The following PEX5 variants were observed in gnomAD, a reference collection of about 807,000 sequenced individuals.
PEX5 encodes the protein PTS1 receptor.
Under a neutral mutation model 82.9 loss-of-function variants are expected in PEX5, and 52 were observed. The observed-to-expected ratio is 0.63, with a 90% CI of 0.50 to 0.79. PEX5 has a LOEUF of 0.79. Ranked by LOEUF, PEX5 falls within the 30% of genes least tolerant of loss-of-function variation. The probability of loss-of-function intolerance (pLI) is 0.00; values close to 1 mark genes in which losing one functional copy is unlikely to be tolerated. For missense variants in PEX5, 719 were observed against 815.2 expected (o/e 0.88, Z 1.44); for synonymous variants, 300 against 318.8 (o/e 0.94, Z 0.63).
At chr12:7,203,707 G>A (rs1944429348) in intron 10 of PEX5, among the ~76,000 whole-genome samples, 156 bp downstream of exon 10, 1 of 152,190 alleles carries the variant, frequency 6.6e-6, no homozygotes, top group Non-Finnish European at 1.5e-5. Flanking sequence ...CCTCTTCAGT[G>A]ATTGAGTATA....
At chr12:7,212,632 G>A (rs1335331105), downstream of PEX5, 1 of 152,034 alleles carries the variant, frequency 6.6e-6, no homozygotes, top group Non-Finnish European at 1.5e-5. Flanking sequence ...AAAAATGGTT[G>A]GTCAATTATT....
intron 2 of PEX5, 54 bp from the exon 3 acceptor site, chr12:7,190,834 A>T: frequency 6.4e-7 from 1 of 1,559,236 alleles, no homozygotes. Flanking sequence ...GGCTTCATCA[A>T]CCCCTGATTT....
chr12:7,197,292 TATATGTCATATATAATGTAATC>T, intron 5 of PEX5, among the ~76,000 whole-genome samples: 1 of 134,588 alleles, frequency 7.4e-6, no homozygotes, highest in Non-Finnish European at 1.5e-5. Flanking sequence ...GTAATAATTA[TATATGTCATATATAATGTAATC>T]ATATGTCATA....
At chr12:7,202,478 A>G in intron 8 of PEX5, 127 bp downstream of exon 8, 1 of 1,412,852 alleles carries the variant, frequency 7.1e-7, no homozygotes, top group East Asian at 2.3e-5. Flanking sequence ...CCAGGTCCCA[A>G]GTGGGTGGGA....
intron 12 of PEX5, 66 bp from the exon 13 acceptor site, chr12:7,208,391 A>G (rs745887424): frequency 1.7e-5 from 20 of 1,195,980 alleles, no homozygotes; most frequent in Non-Finnish European, 2.0e-5. Context: ...CTTGGATCCC[A>G]GGGTGCTCAC....
At chr12:7,207,863 C>T in intron 11 of PEX5, 61 bp downstream of exon 11, 2 of 1,594,080 alleles carry the variant, frequency 1.3e-6, no homozygotes, top group Non-Finnish European at 1.7e-6. Context: ...TGAGAAAGGC[C>T]CCAAGGAGAG....
At chr12:7,216,891 A>T (rs1945795090) in intron 17 of PEX5, among the ~76,000 whole-genome samples, 2 of 152,208 alleles carry the variant, frequency 1.3e-5, no homozygotes, top group South Asian at 4.1e-4. Context: ...AAAGGAGATA[A>T]AGTGTTTGTG....
rs747725502 is a variant in PEX5, at chr12:7,190,405, G to A, written c.28G>A (p.Glu10Lys). MAMRELVEA[E>K]CGGANPLMKL... ...GGCAATGCGGGAGCTGGTGGAGGCC[G>A]AATGCGGGGGTGCCAACCCGCTCAT... The change falls in exon 2 of 16, where the codon GAA becomes AAA. Residue 10 changes from glutamate to lysine, a missense_variant. Glu to Lys is a moderately conservative substitution (Grantham distance 56). Coordinates refer to ENST00000675855, the MANE Select transcript of PEX5 (RefSeq NM_001351132.2). 48 of 1,614,192 alleles carry A rather than the reference G, an allele frequency of 3.0e-5. No individual in the cohort carries two copies. The highest frequency in any genetic ancestry group is 4.1e-5 in the Non-Finnish European group (48 of 1,180,022).
rs1944187889 is a variant in PEX5 at position 7,202,314 on chromosome 12, A to C, written c.716A>C (p.Gln239Pro). Residue 239 changes from glutamine to proline, a missense_variant, in exon 8 of 16, where the codon CAG (glutamine) becomes CCG (proline). By Grantham distance (76) the Gln-to-Pro change is moderately conservative (BLOSUM62 -1). Coordinates refer to ENST00000675855, the MANE Select transcript of PEX5 (RefSeq NM_001351132.2). Reference sequence around the variant, plus strand: ...TCCGGTGCAGGGTCGGGCCGAGCTCAGGCAGAACAGTGGGCAGCAGAGTTT... The same window carrying C: ...TCCGGTGCAGGGTCGGGCCGAGCTCCGGCAGAACAGTGGGCAGCAGAGTTT... ...LESGAGSGRA[Q>P]AEQWAAEFIQ... 1 of 1,614,136 alleles carries C rather than the reference A, an allele frequency of 6.2e-7. No individual in the cohort carries two copies.
At chr12:7,208,422 G>A (rs1009096679) in intron 12 of PEX5, 35 bp from the exon 13 acceptor site, 1 of 1,508,372 alleles carries the variant, frequency 6.6e-7, no homozygotes, top group Admixed American at 1.7e-5. Context: ...GTCAGTCATT[G>A]CAGATATCAA....
chr12:7,212,498 CAA>C (rs5796272), downstream of PEX5, among the ~76,000 whole-genome samples: 1 of 130,888 alleles, frequency 7.6e-6, no homozygotes, highest in Non-Finnish European at 1.6e-5. Flanking sequence ...ACCCAAAAAA[CAA>C]AAAAAACAGG....
At position 7,210,677 on chromosome 12, in the gene PEX5, C is replaced by T. The variant is rs1410367051; in HGVS notation, c.*454C>T. 6 of 283,742 alleles carry T rather than the reference C, an allele frequency of 2.1e-5. No homozygotes were observed. Among genetic ancestry groups the T allele is most frequent in the Non-Finnish European group, 4.1e-5 (6 of 145,280 alleles). 17.6% of individuals were successfully genotyped at this position (283,742 alleles called of 1,614,324 possible). Reference sequence around the variant, plus strand: ...TCTGCTGTGCGCCTCTAATGTCTGTCTGGATGGGATGTGTTAGGAGTTGGC... The same window carrying T: ...TCTGCTGTGCGCCTCTAATGTCTGTTTGGATGGGATGTGTTAGGAGTTGGC... On this transcript the variant is annotated 3_prime_UTR_variant, in exon 16 of 16. Transcript: ENST00000675855.
chr12:7,202,194 C>T, intron 7 of PEX5, 47 bp from the exon 8 acceptor site: 1 of 1,613,214 alleles, frequency 6.2e-7, no homozygotes, highest in Non-Finnish European at 8.5e-7. Context: ...AGAGTGCACA[C>T]CTGGAAGTCC....
chr12:7,206,071 T>C (rs1001208483), intron 10 of PEX5, among the ~76,000 whole-genome samples: 3 of 152,220 alleles, frequency 2.0e-5, no homozygotes, highest in Admixed American at 1.3e-4. Context: ...CTGTTTTCTG[T>C]AGAGTGGCTT....
intron 6 of PEX5, among the ~76,000 whole-genome samples, chr12:7,201,397 G>A (rs1944010953): frequency 6.6e-6 from 1 of 151,908 alleles, no homozygotes. Flanking sequence ...TAAAATATAT[G>A]TATATAGGTA....
chr12:7,216,940 ATTAC>A (rs1003433280), intron 17 of PEX5, among the ~76,000 whole-genome samples: 19 of 152,206 alleles, frequency 1.2e-4, no homozygotes, highest in African/African-American at 4.1e-4. Flanking sequence ...TTAATAAATT[ATTAC>A]TTTATTCACA....
intron 1 of PEX5, chr12:7,190,096 C>T (rs1250166179): frequency 2.0e-6 from 3 of 1,491,280 alleles, no homozygotes; most frequent in South Asian, 2.6e-5. Context: ...GAGGCAGCTG[C>T]TGGCCCCCAG....
chr12:7,191,731 G>T, intron 5 of PEX5, 31 bp downstream of exon 5: 1 of 1,602,654 alleles, frequency 6.2e-7, no homozygotes, highest in South Asian at 1.1e-5. Context: ...ATCTATATTG[G>T]CTTCTATGGG....
Position 7,191,210 on chromosome 12 carries a change from A to C in PEX5, c.184-16A>C. On this transcript the variant is annotated splice_polypyrimidine_tract_variant and intron_variant, in intron 3 of 15. Coordinates refer to ENST00000675855, the MANE Select transcript of PEX5 (RefSeq NM_001351132.2). ...CCCAAGCCTATGGGTTCATTTCATC[A>C]TTTCCCTTCTGGCAGTTGGTGGCTG... The C allele has an allele frequency of 1.2e-6, 2 of 1,613,944 alleles. No homozygotes were observed. Among genetic ancestry groups the C allele is most frequent in the Non-Finnish European group, 1.7e-6 (2 of 1,179,994 alleles).
Sources: allele counts gnomAD v4.1 joint callset (sites outside exome capture counted in the v4.1 genomes callset), GRCh38; gene constraint gnomAD v4.1.1; transcripts MANE v1.5; gene names NCBI Gene and HGNC (gene_info 2026-07-23, HGNC 2026-07-21).